SGCZ: variants seen among roughly 807,000 people sequenced by gnomAD.
SGCZ encodes the protein sarcoglycan zeta, also known as zeta-sarcoglycan.
SGCZ carries 40 observed loss-of-function variants against 41.3 expected under a neutral mutation model. The observed-to-expected ratio is 0.97, with a 90% confidence interval of 0.75 to 1.26. The LOEUF (loss-of-function observed/expected upper bound fraction) is 1.26. Ranked by LOEUF, SGCZ falls within the 50% of genes most tolerant of loss-of-function variation. The pLI is 0.00. For synonymous variants in SGCZ, 206 were observed against 137.5 expected (o/e 1.50, Z -3.49); for missense variants, 552 against 369.8 (o/e 1.49, Z -4.04).
intron 3 of SGCZ, among the ~76,000 whole-genome samples, chr8:14,304,987 G>A (rs1305345519): frequency 6.6e-6 from 1 of 152,070 alleles, no homozygotes; most frequent in East Asian, 1.9e-4. Context: ...AGACTATGAT[G>A]ATTACATGAA....
chr8:14,954,558 A>T (rs1405519340), intron 1 of SGCZ, among the ~76,000 whole-genome samples: 2 of 152,166 alleles, frequency 1.3e-5, no homozygotes, highest in Non-Finnish European at 2.9e-5. Flanking sequence ...TCCTGCTCAC[A>T]GACTCTCTTT....
chr8:14,782,623 C>T (rs954936319), intron 1 of SGCZ, among the ~76,000 whole-genome samples: 1 of 151,976 alleles, frequency 6.6e-6, no homozygotes, highest in Admixed American at 6.6e-5. Flanking sequence ...ATAAACAATC[C>T]AGTTGTGACT....
At chr8:14,859,053 G>C (rs1803635407) in intron 1 of SGCZ, among the ~76,000 whole-genome samples, 1 of 151,932 alleles carries the variant, frequency 6.6e-6, no homozygotes, top group African/African-American at 2.4e-5. Flanking sequence ...GGTCAAAATG[G>C]TATTTCATGA....
Position 14,809,749 on chromosome 8 carries a change from G to A in SGCZ, c.40-254823C>T, listed in dbSNP as rs556304494. On this transcript the variant is annotated intron_variant, in intron 1 of 7. Transcript: ENST00000382080. ...ACCGCAGTACCCATGAGGGAGGACT[G>A]TGCACTATCTGGGAAAAACTTTCTA... is the stretch of plus-strand genomic sequence containing the variant. Among the ~76,000 whole-genome samples the A allele has an allele frequency of 5.3e-5, 8 of 152,228 alleles. No homozygotes were observed. The South Asian group carries it at 1.7e-3, about 32-fold the overall frequency.
At chr8:15,026,701 G>A (rs1405963849) in intron 1 of SGCZ, among the ~76,000 whole-genome samples, 1 of 152,138 alleles carries the variant, frequency 6.6e-6, no homozygotes, top group Non-Finnish European at 1.5e-5. Flanking sequence ...CTCTGTGTGT[G>A]CTTCAGTTAT....
At chr8:15,156,871 G>A (rs1445019025) in intron 1 of SGCZ, among the ~76,000 whole-genome samples, 1 of 151,478 alleles carries the variant, frequency 6.6e-6, no homozygotes, top group Non-Finnish European at 1.5e-5. Context: ...CTTGAACCCA[G>A]GAGACGGAGG....
At chr8:14,163,662 A>G (rs1234729052) in intron 5 of SGCZ, among the ~76,000 whole-genome samples, 3 of 152,206 alleles carry the variant, frequency 2.0e-5, no homozygotes, top group African/African-American at 7.2e-5. Context: ...AGAGGCATCT[A>G]GAGTTGAATA....
chr8:14,491,075 T>C (rs929876812), intron 2 of SGCZ, among the ~76,000 whole-genome samples: 1 of 152,234 alleles, frequency 6.6e-6, no homozygotes, highest in African/African-American at 2.4e-5. Context: ...CCTTGAATAC[T>C]TCTTTCCAGC....
At chr8:14,094,583 C>A (rs1287822637) in intron 7 of SGCZ, among the ~76,000 whole-genome samples, 1 of 152,094 alleles carries the variant, frequency 6.6e-6, no homozygotes, top group African/African-American at 2.4e-5. Flanking sequence ...GTGAACAGTG[C>A]CACAGTAAAC....
intron 1 of SGCZ, among the ~76,000 whole-genome samples, chr8:14,673,934 G>A (rs1808189980): frequency 2.6e-5 from 4 of 152,128 alleles, no homozygotes; most frequent in South Asian, 2.1e-4. Context: ...ATAAGAAGAC[G>A]TTCAAAACAA....
intron 1 of SGCZ, among the ~76,000 whole-genome samples, chr8:14,852,756 A>T (rs989001219): frequency 6.6e-6 from 1 of 152,210 alleles, no homozygotes; most frequent in Non-Finnish European, 1.5e-5. Flanking sequence ...GAAACATTGC[A>T]AAGTACAAAA....
chr8:15,070,881 G>A (rs914707385), intron 1 of SGCZ, among the ~76,000 whole-genome samples: 4 of 152,192 alleles, frequency 2.6e-5, no homozygotes, highest in Middle Eastern at 3.4e-3. Context: ...TGTTCATCTC[G>A]GATCTGCCAC....
chr8:14,994,519 G>A (rs995448369), intron 1 of SGCZ, among the ~76,000 whole-genome samples: 8 of 152,042 alleles, frequency 5.3e-5, no homozygotes, highest in East Asian at 1.9e-4. Context: ...AGGAGGCGGC[G>A]GTTGCAGTGA....
intron 1 of SGCZ, among the ~76,000 whole-genome samples, chr8:14,875,813 A>G (rs946270018): frequency 2.0e-5 from 3 of 152,178 alleles, no homozygotes; most frequent in African/African-American, 7.2e-5. Context: ...CTGACCTTGA[A>G]TAGATGATTT....
intron 1 of SGCZ, among the ~76,000 whole-genome samples, chr8:14,827,236 C>CTTTTTTTTTTTTTTTTT (rs36071307): frequency 8.2e-6 from 1 of 122,322 alleles, no homozygotes; most frequent in Non-Finnish European, 1.7e-5. Flanking sequence ...CTTTTCTTTT[C>CTTTTTTTTTTTTTTTTT]TTTTTTTTTT....
chr8:14,528,253 T>C (rs374683227), intron 2 of SGCZ, among the ~76,000 whole-genome samples: 4 of 152,268 alleles, frequency 2.6e-5, no homozygotes, highest in African/African-American at 9.6e-5. Flanking sequence ...AAGAAGGCAG[T>C]ATCAATTTTT....
chr8:14,366,199 C>A (rs574145713), intron 2 of SGCZ, among the ~76,000 whole-genome samples: 1 of 152,072 alleles, frequency 6.6e-6, no homozygotes, highest in Non-Finnish European at 1.5e-5. Context: ...ATACCAGAGA[C>A]TGGATATTTC....
chr8:14,628,815 A>G (rs773637885), intron 1 of SGCZ, among the ~76,000 whole-genome samples: 18 of 152,138 alleles, frequency 1.2e-4, no homozygotes, highest in Non-Finnish European at 2.2e-4. Flanking sequence ...TTAAAATAAG[A>G]AAGTATATTT....
At chr8:14,443,117 C>T (rs1273793723) in intron 2 of SGCZ, among the ~76,000 whole-genome samples, 1 of 151,844 alleles carries the variant, frequency 6.6e-6, no homozygotes, top group Non-Finnish European at 1.5e-5. Flanking sequence ...CATGAAGGAC[C>T]TCTTCAAGGA....
Sources: allele counts gnomAD v4.1 joint callset (sites outside exome capture counted in the v4.1 genomes callset), GRCh38; gene constraint gnomAD v4.1.1; transcripts MANE v1.5; gene names NCBI Gene and HGNC (gene_info 2026-07-23, HGNC 2026-07-21).